MBD5: variants seen among roughly 807,000 people sequenced by gnomAD.
MBD5 encodes the protein methyl-CpG binding domain protein 5.
A neutral mutation model predicts 117.3 loss-of-function variants in MBD5; 13 were observed. The observed-to-expected ratio is 0.11, with a 90% CI of 0.07 to 0.18. The LOEUF is 0.18. MBD5 is among the 10% of genes least tolerant of loss of function. The pLI is 1.00. For synonymous variants in MBD5, 727 were observed against 766.4 expected (o/e 0.95, Z 0.85); for missense variants, 1,879 against 2,093.8 (o/e 0.90, Z 2.00).
intron 2 of MBD5, among the ~76,000 whole-genome samples, chr2:148,232,186 A>G (rs921919669): frequency 2.0e-5 from 3 of 152,220 alleles, no homozygotes; most frequent in Non-Finnish European, 2.9e-5. Context: ...GCTACAGAAT[A>G]CGAAACAAGA....
At chr2:148,142,251 T>C (rs1316050084) in intron 1 of MBD5, among the ~76,000 whole-genome samples, 1 of 152,082 alleles carries the variant, frequency 6.6e-6, no homozygotes, top group African/African-American at 2.4e-5. Context: ...AAAAGCCCAC[T>C]GAAATATCCA....
At position 148,294,225 on chromosome 2, in the gene MBD5, T is replaced by G. The variant is rs866739921; in HGVS notation, c.-679-47989T>G. On this transcript the variant is annotated intron_variant, in intron 3 of 13. Transcript: ENST00000642680. The stretch of plus-strand genomic sequence containing the variant: ...TTTTTTTTTTTTTTTTTTTTTTTTT[T>G]TTTTTTTTTTTTTTTTTGAGACAGA... Among the ~76,000 whole-genome samples the G allele has an allele frequency of 5.0e-3, 715 of 143,526 alleles. 22 individuals are homozygous for G. The highest frequency in any genetic ancestry group is 0.017 in the African/African-American group (652 of 37,564). 94.2% of individuals were successfully genotyped at this position (143,526 alleles called of 152,430 possible).
chr2:148,292,266 A>C (rs990211666), intron 3 of MBD5, among the ~76,000 whole-genome samples: 1 of 152,206 alleles, frequency 6.6e-6, no homozygotes, highest in African/African-American at 2.4e-5. Flanking sequence ...ACAGTCAAGA[A>C]AGTGAAGAGA....
chr2:148,326,435 G>A (rs1424887499), intron 3 of MBD5, among the ~76,000 whole-genome samples: 3 of 152,044 alleles, frequency 2.0e-5, no homozygotes, highest in African/African-American at 7.3e-5. Flanking sequence ...TGACAGTGGG[G>A]TGTTAAAATC....
chr2:148,212,544 T>A (rs547695843), intron 2 of MBD5, among the ~76,000 whole-genome samples: 7 of 152,270 alleles, frequency 4.6e-5, no homozygotes, highest in African/African-American at 1.7e-4. Context: ...AAATTATAGT[T>A]TGGTATAGAG....
intron 3 of MBD5, chr2:148,264,135 A>G (rs913066925): frequency 1.3e-5 from 2 of 152,222 alleles, no homozygotes; most frequent in African/African-American, 4.8e-5. Context: ...TGAGATAAAT[A>G]TGAAAGATGC....
At chr2:148,430,806 T>G (rs10196277) in intron 4 of MBD5, among the ~76,000 whole-genome samples, 92,956 of 151,886 alleles carry the variant, frequency 0.61, 29,527 homozygotes, top group African/African-American at 0.79. Context: ...ATGAAATTCA[T>G]ATTCTCACTC....
chr2:148,097,479 A>G (rs1402764909), intron 1 of MBD5, among the ~76,000 whole-genome samples: 1 of 152,242 alleles, frequency 6.6e-6, no homozygotes, highest in Non-Finnish European at 1.5e-5. Flanking sequence ...TTCATAATTT[A>G]TCACACAAGT....
Position 148,307,046 on chromosome 2 carries a change from G to C in MBD5, c.-679-35168G>C, listed in dbSNP as rs1420531715. Among the ~76,000 whole-genome samples the C allele has an allele frequency of 2.0e-5, 3 of 152,080 alleles. No homozygotes were observed. The East Asian group carries it at 5.8e-4, about 29-fold the overall frequency. On this transcript the variant is annotated intron_variant, in intron 3 of 13. Transcript: ENST00000642680. ...GATTAGAGCATTTAGGATTTGATTT[G>C]GGGAACTTTGTCAAAAATGTTAAAA...
intron 4 of MBD5, among the ~76,000 whole-genome samples, chr2:148,409,722 G>C (rs1023402965): frequency 5.9e-5 from 9 of 152,028 alleles, no homozygotes; most frequent in African/African-American, 1.9e-4. Flanking sequence ...AAAATCTCAA[G>C]GTATTTTGTG....
At position 148,445,336 on chromosome 2, in the gene MBD5, T is replaced by A. The variant is rs181650033; in HGVS notation, c.-556-12867T>A. 3.6e-3 allele frequency among the ~76,000 whole-genome samples: 542 copies of A among 150,784 alleles called. 34 individuals are homozygous for A. Among genetic ancestry groups the A allele is most frequent in the African/African-American group, 0.013 (511 of 40,266 alleles). On this transcript the variant is annotated intron_variant, in intron 4 of 13. Transcript: ENST00000642680. Reference sequence around the variant, plus strand: ...AGTGTGTGATGTTCCCCTTGCTGTGTCCAAATGTTCTCATTGTTCAGTTCT... The same window carrying A: ...AGTGTGTGATGTTCCCCTTGCTGTGACCAAATGTTCTCATTGTTCAGTTCT...
intron 1 of MBD5, among the ~76,000 whole-genome samples, chr2:148,136,770 T>C (rs1697180654): frequency 6.6e-6 from 1 of 152,116 alleles, no homozygotes; most frequent in Non-Finnish European, 1.5e-5. Flanking sequence ...TATTAATTTT[T>C]TTTTTTTTTG....
chr2:148,264,693 G>A (rs979063494), intron 3 of MBD5: 1 of 152,222 alleles, frequency 6.6e-6, no homozygotes, highest in African/African-American at 2.4e-5. Flanking sequence ...TAGAAATGAA[G>A]AAATGTAAAG....
At chr2:148,443,908 C>T (rs903146808) in intron 4 of MBD5, among the ~76,000 whole-genome samples, 3 of 151,134 alleles carry the variant, frequency 2.0e-5, no homozygotes, top group Non-Finnish European at 2.9e-5. Context: ...TTGGATTGTT[C>T]GTAACACAAA....
At chr2:148,085,532 G>T (rs974141935) in intron 1 of MBD5, among the ~76,000 whole-genome samples, 2 of 151,890 alleles carry the variant, frequency 1.3e-5, no homozygotes, top group African/African-American at 2.4e-5. Context: ...AGACCATCCC[G>T]GCTAAAACGG....
intron 4 of MBD5, among the ~76,000 whole-genome samples, chr2:148,390,435 A>ATG (rs957779996): frequency 6.6e-6 from 1 of 150,916 alleles, no homozygotes; most frequent in African/African-American, 2.4e-5. Flanking sequence ...TTATATATAT[A>ATG]TGTGTGTATA....
chr2:148,500,598 G>GT (rs1681842935), intron 11 of MBD5, among the ~76,000 whole-genome samples: 1 of 152,096 alleles, frequency 6.6e-6, no homozygotes, highest in African/African-American at 2.4e-5. Context: ...ACCTAACTTT[G>GT]TTTTTTAAAT....
intron 1 of MBD5, among the ~76,000 whole-genome samples, chr2:148,042,336 CT>C (rs1285549056): frequency 6.6e-6 from 1 of 152,046 alleles, no homozygotes; most frequent in Non-Finnish European, 1.5e-5. Context: ...TTGCATCCTC[CT>C]TTTTATGACT....
intron 11 of MBD5, among the ~76,000 whole-genome samples, chr2:148,494,722 G>A (rs1681643083): frequency 2.0e-5 from 3 of 152,198 alleles, no homozygotes; most frequent in Admixed American, 2.0e-4. Context: ...AGCACTTTGG[G>A]AGGCCGAGGC....
Sources: allele counts gnomAD v4.1 joint callset (sites outside exome capture counted in the v4.1 genomes callset), GRCh38; gene constraint gnomAD v4.1.1; transcripts MANE v1.5; gene names NCBI Gene and HGNC (gene_info 2026-07-23, HGNC 2026-07-21).